The following JMJD1C variants were observed in gnomAD, a reference collection of about 807,000 sequenced individuals.
JMJD1C encodes the protein jumonji domain-containing protein 1C.
A neutral mutation model predicts 245.3 loss-of-function variants in JMJD1C; 31 were observed. The ratio of observed to expected loss-of-function variants is 0.13; its 90% CI spans 0.09 to 0.17. The LOEUF (loss-of-function observed/expected upper bound fraction) is 0.17. Among genes scored for constraint, JMJD1C ranks in the 10% least tolerant of loss-of-function variants. The pLI, the probability that JMJD1C is intolerant of heterozygous loss-of-function variation, is 1.00. For missense variants in JMJD1C, 2,691 were observed against 3,000.2 expected, an observed-to-expected ratio of 0.90 and a Z score of 2.41; for synonymous variants, 1,057 against 1,017.4, an observed-to-expected ratio of 1.04 and a Z score of -0.74.
Position 63,500,844 on chromosome 10 carries a change from G to C in JMJD1C, n.113+20894C>G, listed in dbSNP as rs543646174. Among the ~76,000 whole-genome samples the C allele has an allele frequency of 3.3e-5, 5 of 151,012 alleles. No homozygotes were observed. In the South Asian group the frequency reaches 6.3e-4, roughly 19 times the overall value. On this transcript the variant is annotated intron_variant and non_coding_transcript_variant, in intron 1 of 3. Transcript: ENST00000633035. ...GGATGCATGGATGCACAGATGGATG[G>C]ATGGATGGATGGATAGATAGATAAA... is the stretch of plus-strand genomic sequence containing the variant.
At chr10:63,227,211 A>C (rs1849399922) in intron 3 of JMJD1C, among the ~76,000 whole-genome samples, 1 of 152,220 alleles carries the variant, frequency 6.6e-6, no homozygotes, top group South Asian at 2.1e-4. Context: ...TCAGAACACT[A>C]AAATATTCAG....
chr10:63,458,359 A>C (rs1952553283), intron 1 of JMJD1C, among the ~76,000 whole-genome samples: 1 of 152,074 alleles, frequency 6.6e-6, no homozygotes, highest in African/African-American at 2.4e-5. Flanking sequence ...ATGGTGGCTC[A>C]TTCCTGTAGT....
rs184117045 is a variant in JMJD1C at position 63,486,442 on chromosome 10, A to G, written n.113+35296T>C. ...AGGACTTTAAGCAAGGAAGCAAAGG[A>G]ATCAGCATTTAGAATAACTAATCTA... On this transcript the variant is annotated intron_variant and non_coding_transcript_variant, in intron 1 of 3. Transcript: ENST00000633035. 9.9e-4 allele frequency among the ~76,000 whole-genome samples: 151 copies of G among 152,334 alleles called. 1 individual carries two copies. Among genetic ancestry groups the G allele is most frequent in the Non-Finnish European group, 1.6e-3 (112 of 68,034 alleles).
At chr10:63,507,158 T>C (rs144413452) in intron 1 of JMJD1C, among the ~76,000 whole-genome samples, 3 of 152,362 alleles carry the variant, frequency 2.0e-5, no homozygotes, top group Admixed American at 6.5e-5. Context: ...TTTATGCATT[T>C]ACCTACTAAA....
chr10:63,204,298 G>C (rs570347300), intron 10 of JMJD1C: 1 of 985,310 alleles, frequency 1.0e-6, no homozygotes, highest in Non-Finnish European at 1.2e-6. Context: ...ACCAAGCAGG[G>C]GAGATTTGAC....
intron 1 of JMJD1C, among the ~76,000 whole-genome samples, chr10:63,475,428 T>G (rs980883777): frequency 6.6e-6 from 1 of 152,180 alleles, no homozygotes; most frequent in African/African-American, 2.4e-5. Context: ...AAAGTTCGGG[T>G]ACTTGTCAAA....
Position 63,348,567 on chromosome 10 carries a change from C to CA in JMJD1C, c.333+31750dup, listed in dbSNP as rs200920101. 5.9e-3 allele frequency among the ~76,000 whole-genome samples: 904 copies of CA among 152,188 alleles called. 3 individuals are homozygous for CA. The highest frequency in any genetic ancestry group is 0.011 in the Admixed American group (164 of 15,282). ...CTCATGAGTCAAGTCACCTTATCTG[C>CA]AAAATGGAGATAATAAGGATGTTGT... On this transcript the variant is annotated intron_variant, in intron 2 of 25. Coordinates refer to ENST00000399262, the MANE Select transcript of JMJD1C (RefSeq NM_032776.3).
intron 2 of JMJD1C, among the ~76,000 whole-genome samples, chr10:63,354,754 C>T (rs985000293): frequency 2.6e-5 from 4 of 151,336 alleles, no homozygotes; most frequent in Non-Finnish European, 5.9e-5. Flanking sequence ...GTGGCTCATG[C>T]CTGTAATCCC....
chr10:63,312,109 TTTTTTTTG>T (rs917643087), intron 2 of JMJD1C, among the ~76,000 whole-genome samples: 5 of 114,510 alleles, frequency 4.4e-5, no homozygotes, highest in South Asian at 2.8e-4. Flanking sequence ...TTTTTTTTTT[TTTTTTTTG>T]TGTGTGTGAG....
At chr10:63,279,846 TG>T (rs1277300015) in intron 2 of JMJD1C, among the ~76,000 whole-genome samples, 1 of 151,538 alleles carries the variant, frequency 6.6e-6, no homozygotes, top group Non-Finnish European at 1.5e-5. Context: ...TAAATGGGAG[TG>T]GGGGGAATCA....
chr10:63,213,813 C>T lies in JMJD1C; in HGVS notation c.2354G>A (p.Gly785Asp), dbSNP rs1847649569. ...AGGGTGATGAACAGCATGGTGTGGACCACTAGTCAGAGGATGAGTGTTAAT... is the reference window on the plus strand; with the variant it reads ...AGGGTGATGAACAGCATGGTGTGGATCACTAGTCAGAGGATGAGTGTTAAT... The part of the protein sequence containing the change: ...PTINTHPLTS[G>D]PHHAVHHPHL... Residue 785 changes from glycine (G) to aspartate (D), a missense_variant, in exon 8 of 26, where the codon GGT becomes GAT. Gly to Asp is a moderately conservative substitution (Grantham distance 94). This residue lies in a region of JMJD1C where 1,562 missense variants were observed against 1,490.7 expected (regional missense o/e 1.05). Transcript: ENST00000399262. The T allele has an allele frequency of 6.2e-7, 1 of 1,613,904 alleles. No individual in the cohort carries two copies. Among genetic ancestry groups the T allele is most frequent in the Non-Finnish European group, 8.5e-7 (1 of 1,179,932 alleles).
At chr10:63,180,861 C>T (rs1482598174) in intron 22 of JMJD1C, among the ~76,000 whole-genome samples, 2 of 151,410 alleles carry the variant, frequency 1.3e-5, no homozygotes, top group East Asian at 1.9e-4. Flanking sequence ...CTCCGCCTCC[C>T]GGGTTCACGC....
chr10:63,322,938 G>A (rs1001804731), intron 2 of JMJD1C, among the ~76,000 whole-genome samples: 11 of 149,672 alleles, frequency 7.3e-5, no homozygotes, highest in South Asian at 4.2e-4. Flanking sequence ...AATTGTTTAC[G>A]TATCTAGTCA....
intron 1 of JMJD1C, among the ~76,000 whole-genome samples, chr10:63,428,720 A>C (rs1324788494): frequency 2.6e-5 from 4 of 152,232 alleles, no homozygotes; most frequent in African/African-American, 9.6e-5. Context: ...CAATAAGGGC[A>C]AGAAAGTAAA....
intron 2 of JMJD1C, among the ~76,000 whole-genome samples, chr10:63,308,237 C>T (rs917195688): frequency 2.6e-5 from 4 of 152,104 alleles, no homozygotes; most frequent in African/African-American, 9.7e-5. Context: ...ACTCTGCACC[C>T]AGAATTCTTG....
chr10:63,242,962 C>A (rs1052225834), intron 3 of JMJD1C, among the ~76,000 whole-genome samples: 1 of 151,304 alleles, frequency 6.6e-6, no homozygotes, highest in Non-Finnish European at 1.5e-5. Flanking sequence ...TGGTTATATG[C>A]CTTTCATAGC....
intron 1 of JMJD1C, among the ~76,000 whole-genome samples, chr10:63,414,015 C>T (rs1022927171): frequency 3.6e-5 from 5 of 137,556 alleles, no homozygotes; most frequent in African/African-American, 1.2e-4. Flanking sequence ...GACACGGAGT[C>T]TTGCACTGTC....
chr10:63,485,819 T>C (rs1463041641), intron 1 of JMJD1C, among the ~76,000 whole-genome samples: 1 of 152,180 alleles, frequency 6.6e-6, no homozygotes, highest in East Asian at 1.9e-4. Flanking sequence ...GCAAAGGGCC[T>C]ACTGTATGCC....
At chr10:63,492,029 A>G (rs760027718) in intron 1 of JMJD1C, among the ~76,000 whole-genome samples, 4 of 152,214 alleles carry the variant, frequency 2.6e-5, no homozygotes, top group Admixed American at 6.5e-5. Context: ...AGAGTAAATT[A>G]TAACTTTTTC....
Sources: gnomAD v4.1 joint callset for allele counts (sites outside exome capture counted in the v4.1 genomes callset) on GRCh38, gnomAD v4.1.1 for gene constraint, gnomAD v4.1.1 regional missense constraint, MANE v1.5 for transcripts, NCBI Gene and HGNC (gene_info 2026-07-23, HGNC 2026-07-21) for gene names.